The following POLN variants were observed in gnomAD, a reference collection of about 807,000 sequenced individuals.
POLN encodes the protein DNA polymerase nu.
A neutral mutation model predicts 113.5 loss-of-function variants in POLN; 108 were observed. The observed-to-expected ratio is 0.95, with a 90% CI of 0.81 to 1.12. The LOEUF (loss-of-function observed/expected upper bound fraction) is 1.12. Ranked by LOEUF, POLN falls within the 50% of genes most tolerant of loss-of-function variation. POLN has a pLI of 0.00. For missense variants in POLN, 1,097 were observed against 1,077.1 expected, an observed-to-expected ratio of 1.02 and a Z score of -0.26; for synonymous variants, 386 against 391.5, an observed-to-expected ratio of 0.99 and a Z score of 0.17.
At chr4:2,232,717 C>T (rs1734627444) in intron 2 of POLN, among the ~76,000 whole-genome samples, 1 of 152,152 alleles carries the variant, frequency 6.6e-6, no homozygotes, top group Non-Finnish European at 1.5e-5. Flanking sequence ...AATTTTCCTG[C>T]TCAAGAATCT....
intron 20 of POLN, chr4:2,090,057 T>G: frequency 1.1e-6 from 1 of 894,608 alleles, no homozygotes; most frequent in Non-Finnish European, 1.8e-6. Context: ...TATGAGATAA[T>G]CCATATTTTC....
At chr4:2,173,902 A>G in intron 11 of POLN, 53 bp downstream of exon 11, 1 of 1,526,572 alleles carries the variant, frequency 6.6e-7, no homozygotes, top group Non-Finnish European at 9.1e-7. Flanking sequence ...GGGAACAACT[A>G]TCTCATGCAG....
chr4:2,090,152 C>T, intron 20 of POLN: 1 of 1,010,640 alleles, frequency 9.9e-7, no homozygotes, highest in Non-Finnish European at 1.4e-6. Context: ...ACATTATCAG[C>T]TGAAACTTCA....
At position 2,173,976 on chromosome 4, in the gene POLN, CT is replaced by C. The variant is rs1472555256; in HGVS notation, c.1352del (p.Glu451GlyfsTer28). ...TTACCCCAAGAAGTGCTGACGTCTT[CT>C]CCATCTCCTCTTTGTTCACCTGAAT... ...HAIQVNKEEM[E>X]KTSALLGARL... On this transcript the variant is annotated frameshift_variant, in exon 11 of 26. Coordinates refer to ENST00000511885, the MANE Select transcript of POLN (RefSeq NM_181808.4). LOFTEE classifies it high-confidence loss of function. The C allele has an allele frequency of 6.2e-7, 1 of 1,614,098 alleles. No homozygotes were observed. The highest frequency in any genetic ancestry group is 1.3e-5 in the African/African-American group (1 of 74,946).
chr4:2,225,717 C>A (rs1346884200), intron 3 of POLN, among the ~76,000 whole-genome samples: 1 of 151,644 alleles, frequency 6.6e-6, no homozygotes, highest in South Asian at 2.1e-4. Context: ...AAATAGTAGG[C>A]CAGGCAGGCA....
intron 16 of POLN, among the ~76,000 whole-genome samples, chr4:2,145,572 A>G (rs1577720944): frequency 6.6e-6 from 1 of 152,244 alleles, no homozygotes; most frequent in East Asian, 1.9e-4. Context: ...TACTAATAAA[A>G]GTAATGTGAA....
intron 14 of POLN, among the ~76,000 whole-genome samples, chr4:2,158,461 G>A (rs1191558150): frequency 6.6e-6 from 1 of 152,116 alleles, no homozygotes. Flanking sequence ...CAGGAAATTT[G>A]CAAAGATAAA....
chr4:2,082,905 C>T (rs1218472286), intron 21 of POLN: 2 of 152,102 alleles, frequency 1.3e-5, no homozygotes, highest in African/African-American at 4.8e-5. Context: ...TCATCTTGAC[C>T]CTTTTGAGGT....
chr4:2,091,758 A>C (rs1730667433), intron 20 of POLN, among the ~76,000 whole-genome samples: 1 of 132,464 alleles, frequency 7.5e-6, no homozygotes, highest in Admixed American at 7.8e-5. Flanking sequence ...GGTACACGTG[A>C]ATCTGTGTGT....
chr4:2,196,395 G>C (rs1214017800), intron 6 of POLN, among the ~76,000 whole-genome samples: 1 of 152,136 alleles, frequency 6.6e-6, no homozygotes, highest in Non-Finnish European at 1.5e-5. Context: ...AGAGGAGACA[G>C]AACAAGTGAA....
chr4:2,181,337 G>C (rs969433415), intron 7 of POLN, among the ~76,000 whole-genome samples: 1 of 151,876 alleles, frequency 6.6e-6, no homozygotes, highest in Admixed American at 6.6e-5. Flanking sequence ...GTAGAGATGG[G>C]GTTTCACCAT....
In POLN at chr4:2,071,925, C is replaced by T. The variant is rs1010800041; in HGVS notation, c.*189G>A. ...TGGGGGTGGTGGACGCGGCACTTCCCACTCACAGGAAGAATTCACTCAGAC... is the reference window on the plus strand; with the variant it reads ...TGGGGGTGGTGGACGCGGCACTTCCTACTCACAGGAAGAATTCACTCAGAC... On this transcript the variant is annotated 3_prime_UTR_variant, in exon 26 of 26. Transcript: ENST00000511885. The surrounding 1 kb of genome is among the most constrained non-coding windows in gnomAD (Gnocchi z 5.2). 14 of 753,312 alleles carry T rather than the reference C, an allele frequency of 1.9e-5. No individual in the cohort carries two copies. Among genetic ancestry groups the T allele is most frequent in the African/African-American group, 6.9e-5 (4 of 58,028 alleles). 46.7% of individuals were successfully genotyped at this position (753,312 alleles called of 1,614,324 possible). A position where few individuals can be genotyped will look rare whatever the true frequency, so the allele number is the denominator to read the frequency against.
chr4:2,216,636 ACT>A (rs1395227831), intron 3 of POLN, among the ~76,000 whole-genome samples: 1 of 152,052 alleles, frequency 6.6e-6, no homozygotes, highest in Non-Finnish European at 1.5e-5. Context: ...TGGATCAAAC[ACT>A]CTGTGAAACT....
In POLN at chr4:2,201,200, G is replaced by A. The variant is rs560073961; in HGVS notation, c.715-2483C>T. ...GAGAATCGCCTGAACCCGGGAGGTG[G>A]AGGTTACAGTGAGCCCAGATCATGC... is the stretch of plus-strand genomic sequence containing the variant. On this transcript the variant is annotated intron_variant, in intron 5 of 25. Coordinates refer to ENST00000511885, the MANE Select transcript of POLN (RefSeq NM_181808.4). Among the ~76,000 whole-genome samples, 27 of 131,612 alleles carry A rather than the reference G, an allele frequency of 2.1e-4. No individual in the cohort carries two copies. In the South Asian group the frequency reaches 2.1e-3, roughly 10 times the overall value. The allele number at this position is 131,612 out of a possible 152,430, so 86.3% of individuals were successfully genotyped here.
chr4:2,174,265 C>T (rs1732940170), intron 10 of POLN, among the ~76,000 whole-genome samples: 1 of 152,228 alleles, frequency 6.6e-6, no homozygotes, highest in Admixed American at 6.5e-5. Flanking sequence ...CAGCCTGGCC[C>T]TTCCCACACT....
At chr4:2,231,857 G>A in intron 2 of POLN, 3 of 682,418 alleles carry the variant, frequency 4.4e-6, no homozygotes, top group East Asian at 3.0e-5. Context: ...AAATTTAGTA[G>A]TGTTTATTAT....
In POLN at chr4:2,240,139, T is replaced by C. The variant is rs561688940; in HGVS notation, c.-13+1381A>G. On this transcript the variant is annotated intron_variant, in intron 2 of 25. Transcript: ENST00000511885. ...TGAATTAACTGATGTTGAGCACAAA[T>C]GTATGCGAGCTGCAGTCTAGCCATC... 4 of 1,613,926 alleles carry C rather than the reference T, an allele frequency of 2.5e-6. No homozygotes were observed. In the East Asian group the frequency reaches 6.7e-5, roughly 27 times the overall value.
At chr4:2,084,122 T>C (rs1730495648) in intron 21 of POLN, among the ~76,000 whole-genome samples, 1 of 152,236 alleles carries the variant, frequency 6.6e-6, no homozygotes, top group Non-Finnish European at 1.5e-5. Flanking sequence ...CCCTCCTCAG[T>C]TACTGTGTTA....
chr4:2,200,627 G>C (rs1374165336), intron 5 of POLN, among the ~76,000 whole-genome samples: 1 of 152,122 alleles, frequency 6.6e-6, no homozygotes, highest in Non-Finnish European at 1.5e-5. Context: ...AATCATTACA[G>C]CTCAGCTCTC....
Sources: allele counts gnomAD v4.1 joint callset (sites outside exome capture counted in the v4.1 genomes callset), GRCh38; gene constraint gnomAD v4.1.1; non-coding constraint Gnocchi (gnomAD v3.1); transcripts MANE v1.5; gene names NCBI Gene and HGNC (gene_info 2026-07-23, HGNC 2026-07-21).